SGCZ: variants seen among roughly 807,000 people sequenced by gnomAD.
SGCZ encodes sarcoglycan zeta, also known as zeta-sarcoglycan.
In SGCZ, 40 loss-of-function variants were observed where a neutral mutation model predicts 41.3. The ratio of observed to expected loss-of-function variants is 0.97; its 90% CI spans 0.75 to 1.26. SGCZ has a LOEUF of 1.26. Ranked by LOEUF, SGCZ falls within the 50% of genes most tolerant of loss-of-function variation. SGCZ has a pLI of 0.00. For synonymous variants in SGCZ, 206 were observed against 137.5 expected, an observed-to-expected ratio of 1.50 and a Z score of -3.49; for missense variants, 552 against 369.8, an observed-to-expected ratio of 1.49 and a Z score of -4.04.
At chr8:14,599,256 C>T (rs1585113548) in intron 1 of SGCZ, among the ~76,000 whole-genome samples, 1 of 84,778 alleles carries the variant, frequency 1.2e-5, no homozygotes, top group Non-Finnish European at 3.1e-5. Context: ...TCAAATCCCT[C>T]CTTACCTATT....
At chr8:14,691,132 T>G (rs1165688421) in intron 1 of SGCZ, among the ~76,000 whole-genome samples, 1 of 152,160 alleles carries the variant, frequency 6.6e-6, no homozygotes, top group African/African-American at 2.4e-5. Context: ...TTAAACAAAT[T>G]CCTACATAAC....
At chr8:14,159,548 T>C (rs1803978710) in intron 5 of SGCZ, among the ~76,000 whole-genome samples, 1 of 152,194 alleles carries the variant, frequency 6.6e-6, no homozygotes, top group Admixed American at 6.5e-5. Flanking sequence ...TGGGAATTTT[T>C]ATTTTCAGTA....
At chr8:14,907,450 A>T (rs2130770687) in intron 1 of SGCZ, among the ~76,000 whole-genome samples, 1 of 152,232 alleles carries the variant, frequency 6.6e-6, no homozygotes, top group South Asian at 2.1e-4. Context: ...AGCCTCTCAA[A>T]GTGCTAGAAT....
At chr8:14,185,530 C>T (rs1804875729) in intron 4 of SGCZ, among the ~76,000 whole-genome samples, 2 of 152,068 alleles carry the variant, frequency 1.3e-5, no homozygotes, top group Admixed American at 6.5e-5. Flanking sequence ...GGCTTCAGAC[C>T]TCATTTCATG....
intron 4 of SGCZ, among the ~76,000 whole-genome samples, chr8:14,186,141 C>CAA: frequency 6.6e-6 from 1 of 152,312 alleles, no homozygotes; most frequent in African/African-American, 2.4e-5. Context: ...GTCTCAGGTT[C>CAA]CTTTTCTGTA....
At chr8:14,378,099 C>G (rs1264680104) in intron 2 of SGCZ, among the ~76,000 whole-genome samples, 9 of 150,040 alleles carry the variant, frequency 6.0e-5, no homozygotes, top group Non-Finnish European at 1.3e-4. Flanking sequence ...CCTGAGGAAT[C>G]GCCACACTGA....
chr8:14,262,971 C>A (rs1799726527), intron 3 of SGCZ, among the ~76,000 whole-genome samples: 2 of 152,136 alleles, frequency 1.3e-5, no homozygotes, highest in Admixed American at 6.6e-5. Flanking sequence ...TACGCGAACA[C>A]TTGCCTGCAT....
At position 14,426,237 on chromosome 8, in the gene SGCZ, T is replaced by A. The variant is rs991439528; in HGVS notation, c.235-102033A>T. On this transcript the variant is annotated intron_variant, in intron 2 of 7. Transcript: ENST00000382080. The stretch of plus-strand genomic sequence containing the variant: ...TACTATACAAGTCTAAGAAATAAAA[T>A]TTGTGGTACATCAGATGGCAATAAG... Among the ~76,000 whole-genome samples, 9 of 152,080 alleles carry A rather than the reference T, an allele frequency of 5.9e-5. No homozygotes were observed. The East Asian group carries it at 1.7e-3, about 29-fold the overall frequency.
chr8:14,282,903 G>A (rs1366725037), intron 3 of SGCZ, among the ~76,000 whole-genome samples: 1 of 128,360 alleles, frequency 7.8e-6, no homozygotes, highest in Non-Finnish European at 1.6e-5. Flanking sequence ...AGGCTGGAGT[G>A]TAGTGGCGCG....
chr8:14,551,534 A>ATATATATTATATATATAT (rs1803842168), intron 2 of SGCZ, among the ~76,000 whole-genome samples: 1 of 7,838 alleles, frequency 1.3e-4, no homozygotes, highest in Non-Finnish European at 2.2e-4. Context: ...AATATATATA[A>ATATATATTATATATATAT]TATATATAAT....
chr8:14,656,159 C>G (rs1353824087), intron 1 of SGCZ, among the ~76,000 whole-genome samples: 1 of 152,004 alleles, frequency 6.6e-6, no homozygotes. Context: ...AACTGTTTAT[C>G]CAAAGTGACT....
At chr8:14,978,297 G>A (rs1188081955) in intron 1 of SGCZ, among the ~76,000 whole-genome samples, 4 of 149,330 alleles carry the variant, frequency 2.7e-5, no homozygotes, top group East Asian at 3.9e-4. Flanking sequence ...GTGAAATCTC[G>A]CCTCTAATAA....
chr8:14,221,475 A>T (rs1045402359), intron 4 of SGCZ, among the ~76,000 whole-genome samples: 46 of 152,356 alleles, frequency 3.0e-4, no homozygotes, highest in African/African-American at 1.1e-3. Context: ...CTCTTAAGTC[A>T]AAATAATACT....
intron 1 of SGCZ, among the ~76,000 whole-genome samples, chr8:14,987,730 C>T (rs1321509201): frequency 7.9e-5 from 12 of 152,066 alleles, no homozygotes. Flanking sequence ...GTAATTAAAT[C>T]TAAACCATTT....
chr8:14,260,763 A>C (rs1452949259), intron 3 of SGCZ, among the ~76,000 whole-genome samples: 3 of 152,242 alleles, frequency 2.0e-5, no homozygotes, highest in Non-Finnish European at 4.4e-5. Context: ...AATACTATGC[A>C]GTCATAAACA....
chr8:14,164,923 G>A, intron 4 of SGCZ: 2 of 482,026 alleles, frequency 4.1e-6, no homozygotes, highest in Non-Finnish European at 7.4e-6. Flanking sequence ...GTGACCTCTG[G>A]ATGTCTGACA....
chr8:14,173,545 G>T (rs1428710754), intron 4 of SGCZ, among the ~76,000 whole-genome samples: 1 of 152,066 alleles, frequency 6.6e-6, no homozygotes, highest in African/African-American at 2.4e-5. Context: ...ACTTGAAAAG[G>T]TGTGTATAAC....
chr8:14,990,245 A>C (rs1227892708), intron 1 of SGCZ, among the ~76,000 whole-genome samples: 1 of 152,222 alleles, frequency 6.6e-6, no homozygotes, highest in South Asian at 2.1e-4. Context: ...AGTGTGATTT[A>C]GAGTAAGAGG....
At chr8:14,466,673 A>G (rs1237961341) in intron 2 of SGCZ, among the ~76,000 whole-genome samples, 1 of 151,530 alleles carries the variant, frequency 6.6e-6, no homozygotes, top group East Asian at 1.9e-4. Flanking sequence ...CTCAGACTCA[A>G]TAATTTCCAC....
Sources: gnomAD v4.1 joint callset for allele counts (sites outside exome capture counted in the v4.1 genomes callset) on GRCh38, gnomAD v4.1.1 for gene constraint, MANE v1.5 for transcripts, NCBI Gene and HGNC (gene_info 2026-07-23, HGNC 2026-07-21) for gene names.